Variants in ZNF333 observed in about 807,000 individuals in gnomAD.
The protein encoded by ZNF333 is zinc finger protein 333.
Under a neutral mutation model 76.1 loss-of-function variants are expected in ZNF333, and 61 were observed. The ratio of observed to expected loss-of-function variants is 0.80; its 90% CI spans 0.65 to 0.99. ZNF333 has a LOEUF of 0.99. ZNF333 is among the 50% of genes least tolerant of loss of function. The pLI, the probability that ZNF333 is intolerant of heterozygous loss-of-function variation, is 0.00. For synonymous variants in ZNF333, 284 were observed against 305.0 expected, an observed-to-expected ratio of 0.93 and a Z score of 0.72; for missense variants, 717 against 822.4, an observed-to-expected ratio of 0.87 and a Z score of 1.57.
In ZNF333 at chr19:14,731,437, GC is replaced by G. The variant is rs566185432; in HGVS notation, c.*253del. 2.6e-3 allele frequency: 1,412 copies of G among 534,672 alleles called. 2 individuals carry two copies. Among genetic ancestry groups the G allele is most frequent in the Non-Finnish European group, 3.4e-3 (1,029 of 301,770 alleles). 33.1% of individuals were successfully genotyped at this position (534,672 alleles called of 1,614,324 possible). A position where few individuals can be genotyped will look rare whatever the true frequency, so the allele number is the denominator to read the frequency against. On this transcript the variant is annotated 3_prime_UTR_variant, in exon 12 of 12. Transcript: ENST00000540689. ...GTAGGTTCCCCGCAAGGAGACTAAGGCCTGTGTGGGTCTTTGTTTCCCCAGC... is the reference window on the plus strand; with the variant it reads ...GTAGGTTCCCCGCAAGGAGACTAAGGCTGTGTGGGTCTTTGTTTCCCCAGC...
At chr19:14,706,116 C>G (rs147000922) in intron 6 of ZNF333, 2 of 457,548 alleles carry the variant, frequency 4.4e-6, no homozygotes, top group Non-Finnish European at 8.8e-6. Flanking sequence ...CTGCTGCTGC[C>G]ATCCTGCCCA....
chr19:14,710,993 A>AG (rs371158617), intron 7 of ZNF333, among the ~76,000 whole-genome samples: 106 of 151,814 alleles, frequency 7.0e-4, no homozygotes, highest in African/African-American at 2.4e-3. Context: ...AGGGAAGGGA[A>AG]GGGGGAAAGG....
At chr19:14,702,453 A>G (rs2041984338) in intron 5 of ZNF333, among the ~76,000 whole-genome samples, 1 of 152,160 alleles carries the variant, frequency 6.6e-6, no homozygotes, top group African/African-American at 2.4e-5. Context: ...CCAGGAATTC[A>G]AGGCTGCAGT....
chr19:14,703,828 G>T (rs554063684), intron 5 of ZNF333, among the ~76,000 whole-genome samples: 3 of 152,190 alleles, frequency 2.0e-5, no homozygotes, highest in African/African-American at 7.2e-5. Flanking sequence ...GTGGGCTGTG[G>T]GTCACGGGAT....
chr19:14,696,680 C>G (rs1324470226), intron 4 of ZNF333, among the ~76,000 whole-genome samples: 1 of 148,390 alleles, frequency 6.7e-6, no homozygotes, highest in African/African-American at 2.5e-5. Flanking sequence ...CTTGAGATAA[C>G]TAACCCCCTT....
intron 7 of ZNF333, among the ~76,000 whole-genome samples, chr19:14,707,537 T>G (rs1450506667): frequency 6.7e-6 from 1 of 148,366 alleles, no homozygotes; most frequent in Non-Finnish European, 1.5e-5. Flanking sequence ...GTAAGAATAA[T>G]AAGCTTTGTT....
At chr19:14,701,193 T>C (rs1444697700) in intron 5 of ZNF333, among the ~76,000 whole-genome samples, 1 of 152,208 alleles carries the variant, frequency 6.6e-6, no homozygotes, top group African/African-American at 2.4e-5. Context: ...CCTCATCCGA[T>C]GTGGTGGTTG....
At position 14,695,101 on chromosome 19, in the gene ZNF333, T is replaced by C. The variant is rs191414187; in HGVS notation, c.95T>C (p.Met32Thr). 6.2e-7 allele frequency: 1 copy of C among 1,614,102 alleles called. No individual in the cohort carries two copies. The highest frequency in any genetic ancestry group is 1.7e-5 in the Admixed American group (1 of 60,016). Residue 32 changes from methionine to threonine, a missense_variant, in exon 3 of 12, where the codon ATG becomes ACG. Physicochemically the swap from Met to Thr is moderately conservative, Grantham distance 81 (BLOSUM62 -1). Transcript: ENST00000292530. ...CGGAGGAGCCTGTGCAAATACAGGA[T>C]GCTTGACCAGTGCAGGACCCTGGCC... ...SARRSLCKYRMLDQCRTLASR... is the reference protein window; with the variant it reads ...SARRSLCKYRTLDQCRTLASR...
rs1181737893 is a variant in ZNF333 at position 14,695,096 on chromosome 19, C to T, written c.90C>T (p.Tyr30=). ...LDSARRSLCK[Y]RMLDQCRTLA... ...GCGCACGGAGGAGCCTGTGCAAATACAGGATGCTTGACCAGTGCAGGACCC... is the reference window on the plus strand; with the variant it reads ...GCGCACGGAGGAGCCTGTGCAAATATAGGATGCTTGACCAGTGCAGGACCC... Residue 30 remains tyrosine (Y), a synonymous_variant, in exon 3 of 12, where the codon TAC becomes TAT. Coordinates refer to ENST00000292530, the MANE Select transcript of ZNF333 (RefSeq NM_032433.4). 4 of 1,614,072 alleles carry T rather than the reference C, an allele frequency of 2.5e-6. No homozygotes were observed. The South Asian group carries it at 4.4e-5, about 18-fold the overall frequency.
chr19:14,722,092 G>A (rs568275347), downstream of ZNF333, among the ~76,000 whole-genome samples: 64 of 152,168 alleles, frequency 4.2e-4, no homozygotes, highest in Non-Finnish European at 8.2e-4. Flanking sequence ...GCAACATGTG[G>A]TACTGTCACG....
At chr19:14,701,997 G>A (rs1406600187) in intron 5 of ZNF333, 8 of 775,988 alleles carry the variant, frequency 1.0e-5, no homozygotes, top group Non-Finnish European at 1.3e-5. Flanking sequence ...CTGCTGCTGG[G>A]TTGATGGTGC....
At chr19:14,691,608 G>T (rs975872623) in intron 1 of ZNF333, among the ~76,000 whole-genome samples, 3 of 151,014 alleles carry the variant, frequency 2.0e-5, no homozygotes, top group Non-Finnish European at 4.4e-5. Flanking sequence ...AAACTTGTGT[G>T]ATTATGTCTT....
chr19:14,718,652 G>T lies in ZNF333; in HGVS notation c.1325G>T (p.Arg442Ile), dbSNP rs762945896. 94 of 1,613,878 alleles carry T rather than the reference G, an allele frequency of 5.8e-5. No individual in the cohort carries two copies. Among genetic ancestry groups the T allele is most frequent in the Non-Finnish European group, 7.8e-5 (92 of 1,180,036 alleles). ...TRNFNLILHQ[R>I]NHTGEKPYEC... Reference sequence around the variant, plus strand: ...AACTTTAACCTGATTTTGCACCAGAGAAACCACACAGGAGAGAAGCCCTAC... The same window carrying T: ...AACTTTAACCTGATTTTGCACCAGATAAACCACACAGGAGAGAAGCCCTAC... The change falls in exon 12 of 12, where the codon AGA becomes ATA. Residue 442 changes from arginine (R) to isoleucine (I), a missense_variant. Coordinates refer to ENST00000292530, the MANE Select transcript of ZNF333 (RefSeq NM_032433.4).
intron 4 of ZNF333, among the ~76,000 whole-genome samples, chr19:14,698,935 T>C (rs55944024): frequency 0.061 from 8,478 of 139,180 alleles, 633 homozygotes; most frequent in African/African-American, 0.15. Flanking sequence ...TATATATATA[T>C]ACACACATAT....
At chr19:14,731,370 C>T (rs972498587) in exon 12 of ZNF333, 3 of 615,058 alleles carry the variant, frequency 4.9e-6, no homozygotes, top group South Asian at 2.1e-5. Context: ...CCTTAACTTC[C>T]GGCTTCCGGG....
chr19:14,693,629 C>T lies in ZNF333; in HGVS notation c.3+135C>T, dbSNP rs150482630. The T allele has an allele frequency of 5.6e-5, 62 of 1,097,542 alleles. No individual in the cohort carries two copies. The East Asian group carries it at 1.6e-3, about 27-fold the overall frequency. 68.0% of individuals were successfully genotyped at this position (1,097,542 alleles called of 1,614,324 possible). On this transcript the variant is annotated intron_variant, in intron 2 of 11. Transcript: ENST00000292530. Reference sequence around the variant, plus strand: ...GGGAAGGGTGAGTGAGGAGCATCCTCATCCCTGCCCTAGGGGACCTAGGGA... The same window carrying T: ...GGGAAGGGTGAGTGAGGAGCATCCTTATCCCTGCCCTAGGGGACCTAGGGA...
Position 14,693,499 on chromosome 19 carries a change from G to A in ZNF333, c.3+5G>A. Reference sequence around the variant, plus strand: ...AACCCTGGCTCCAGTGTCATGGTGAGGAAACTGGGGGCTCCTGTGGCTGAA... The same window carrying A: ...AACCCTGGCTCCAGTGTCATGGTGAAGAAACTGGGGGCTCCTGTGGCTGAA... On this transcript the variant is annotated splice_donor_5th_base_variant and intron_variant, in intron 2 of 11. Transcript: ENST00000292530. The A allele has an allele frequency of 1.9e-6, 3 of 1,600,888 alleles. No individual in the cohort carries two copies. Among genetic ancestry groups the A allele is most frequent in the Non-Finnish European group, 2.6e-6 (3 of 1,170,514 alleles).
chr19:14,723,025 A>T (rs544934346), downstream of ZNF333, among the ~76,000 whole-genome samples: 1 of 152,256 alleles, frequency 6.6e-6, no homozygotes, highest in East Asian at 1.9e-4. Context: ...TGACCTTGTG[A>T]TCTGCCTGCC....
chr19:14,691,869 G>T (rs1323916658), intron 1 of ZNF333, among the ~76,000 whole-genome samples: 1 of 151,994 alleles, frequency 6.6e-6, no homozygotes, highest in East Asian at 1.9e-4. Flanking sequence ...TAGAGACGGG[G>T]TTTCACCATG....
Sources: allele counts gnomAD v4.1 joint callset (sites outside exome capture counted in the v4.1 genomes callset), GRCh38; gene constraint gnomAD v4.1.1; transcripts MANE v1.5; gene names NCBI Gene and HGNC (gene_info 2026-07-23, HGNC 2026-07-21).